The following ZC3H8 variants were observed in gnomAD, a reference collection of about 807,000 sequenced individuals.
The protein encoded by ZC3H8 is zinc finger CCCH-type containing 8.
Under a neutral mutation model 42.5 loss-of-function variants are expected in ZC3H8, and 27 were observed. The observed-to-expected ratio is 0.64, with a 90% CI of 0.47 to 0.88. The LOEUF is 0.88. ZC3H8 is among the 40% of genes least tolerant of loss of function. The pLI, the probability that ZC3H8 is intolerant of heterozygous loss-of-function variation, is 0.00. For synonymous variants in ZC3H8, 101 were observed against 110.1 expected (o/e 0.92, Z 0.52); for missense variants, 277 against 336.1 (o/e 0.82, Z 1.37).
intron 8 of ZC3H8, among the ~76,000 whole-genome samples, chr2:112,227,355 T>A (rs1246097266): frequency 2.6e-5 from 4 of 152,154 alleles, no homozygotes; most frequent in Non-Finnish European, 4.4e-5. Flanking sequence ...TGAAACCCCA[T>A]CTCTACTAAA....
rs571430578 is a variant in ZC3H8 at position 112,236,959 on chromosome 2, G to A, written c.371-264C>T. Reference sequence around the variant, plus strand: ...TAGTCCAGCTACTCTGGGACTATAGGCTAAGGCAGGAGGATTGCTTGAGCC... The same window carrying A: ...TAGTCCAGCTACTCTGGGACTATAGACTAAGGCAGGAGGATTGCTTGAGCC... On this transcript the variant is annotated intron_variant, in intron 3 of 8. Coordinates refer to ENST00000409573, the MANE Select transcript of ZC3H8 (RefSeq NM_032494.3). Among the ~76,000 whole-genome samples the A allele has an allele frequency of 1.7e-3, 258 of 152,330 alleles. 1 individual carries two copies. The highest frequency in any genetic ancestry group is 6.1e-3 in the African/African-American group (253 of 41,578).
intron 2 of ZC3H8, among the ~76,000 whole-genome samples, chr2:112,248,798 C>T (rs569625325): frequency 6.6e-6 from 1 of 152,242 alleles, no homozygotes; most frequent in Non-Finnish European, 1.5e-5. Flanking sequence ...CCCCTAATAC[C>T]TCAGAATGTG....
chr2:112,227,747 G>A (rs1312424662), intron 8 of ZC3H8, among the ~76,000 whole-genome samples: 2 of 152,028 alleles, frequency 1.3e-5, no homozygotes, highest in Admixed American at 1.3e-4. Flanking sequence ...GAATATGTAC[G>A]AATAAATTAA....
chr2:112,219,646 G>A (rs1475449636), intron 8 of ZC3H8, among the ~76,000 whole-genome samples: 1 of 151,924 alleles, frequency 6.6e-6, no homozygotes, highest in Non-Finnish European at 1.5e-5. Context: ...GTGTGAGTGG[G>A]GTGATTTTTT....
At chr2:112,233,425 T>TA in intron 5 of ZC3H8, 54 bp from the exon 6 acceptor site, 1 of 1,168,140 alleles carries the variant, frequency 8.6e-7, no homozygotes, top group South Asian at 1.4e-5. Context: ...GTCAAGTCAT[T>TA]ATGATTTAAT....
chr2:112,249,362 G>A (rs1196060302), intron 2 of ZC3H8, among the ~76,000 whole-genome samples: 1 of 152,204 alleles, frequency 6.6e-6, no homozygotes, highest in East Asian at 1.9e-4. Flanking sequence ...CACAGCCTCA[G>A]AAGGAACCAA....
chr2:112,233,218 G>T, intron 6 of ZC3H8, 42 bp downstream of exon 6: 2 of 1,252,096 alleles, frequency 1.6e-6, no homozygotes, highest in Non-Finnish European at 2.2e-6. Context: ...AAATGTTCAT[G>T]TAAATATTTA....
intron 1 of ZC3H8, 51 bp downstream of exon 1, chr2:112,254,857 C>A: frequency 6.3e-7 from 1 of 1,581,636 alleles, no homozygotes; most frequent in East Asian, 2.3e-5. Context: ...AACTAAGAGG[C>A]GGAGTCCCGC....
intron 4 of ZC3H8, among the ~76,000 whole-genome samples, chr2:112,236,252 T>C (rs1685328457): frequency 6.6e-6 from 1 of 151,998 alleles, no homozygotes; most frequent in South Asian, 2.1e-4. Context: ...AGACTCTGTC[T>C]CAAAAAAATA....
At chr2:112,216,821 G>T (rs1208358390) in intron 8 of ZC3H8, among the ~76,000 whole-genome samples, 1 of 151,478 alleles carries the variant, frequency 6.6e-6, no homozygotes, top group African/African-American at 2.4e-5. Context: ...AAACATTATC[G>T]GACAAAAGCA....
chr2:112,231,889 G>A lies in ZC3H8; in HGVS notation c.792C>T (p.Cys264=). 6.3e-7 allele frequency: 1 copy of A among 1,591,994 alleles called. No individual in the cohort carries two copies. Among genetic ancestry groups the A allele is most frequent in the East Asian group, 2.3e-5 (1 of 44,350 alleles). ...TGTKCYQGEY[C]KFSHAPLTPE... Reference sequence around the variant, plus strand: ...GAGTCAGTGGAGCATGAGAAAACTTGCAGTATTCTCCCTGATAACATTTTG... The same window carrying A: ...GAGTCAGTGGAGCATGAGAAAACTTACAGTATTCTCCCTGATAACATTTTG... Residue 264 remains cysteine, a synonymous_variant, in exon 7 of 9, where the codon TGC becomes TGT. Coordinates refer to ENST00000409573, the MANE Select transcript of ZC3H8 (RefSeq NM_032494.3).
chr2:112,238,979 T>G (rs1685468788), intron 2 of ZC3H8, among the ~76,000 whole-genome samples: 1 of 152,266 alleles, frequency 6.6e-6, no homozygotes, highest in Admixed American at 6.5e-5. Context: ...ATGGTCCATA[T>G]GAAAACCCAC....
intron 2 of ZC3H8, among the ~76,000 whole-genome samples, chr2:112,242,617 T>G (rs1210672413): frequency 2.0e-5 from 3 of 152,234 alleles, no homozygotes; most frequent in Non-Finnish European, 4.4e-5. Context: ...TGTGGATTAT[T>G]ATACTGTCAA....
intron 2 of ZC3H8, chr2:112,240,327 T>C (rs1045866767): frequency 6.6e-6 from 1 of 152,170 alleles, no homozygotes; most frequent in Non-Finnish European, 1.5e-5. Context: ...ACTGATCCTT[T>C]ATGAAAAGGT....
At chr2:112,254,163 A>T in intron 1 of ZC3H8, 1 of 985,112 alleles carries the variant, frequency 1.0e-6, no homozygotes, top group Non-Finnish European at 1.2e-6. Context: ...ACCAATATCG[A>T]ATGGTAAAAT....
intron 8 of ZC3H8, among the ~76,000 whole-genome samples, chr2:112,218,669 T>A (rs1421329069): frequency 6.6e-6 from 1 of 152,184 alleles, no homozygotes; most frequent in East Asian, 1.9e-4. Context: ...TTCACTACAA[T>A]TTGGAAACAT....
At chr2:112,243,757 C>T (rs535521294) in intron 2 of ZC3H8, among the ~76,000 whole-genome samples, 1 of 152,192 alleles carries the variant, frequency 6.6e-6, no homozygotes, top group East Asian at 1.9e-4. Context: ...TATTTATTGT[C>T]TTGTCCTTTA....
intron 8 of ZC3H8, among the ~76,000 whole-genome samples, chr2:112,217,872 G>A (rs1470719941): frequency 1.3e-5 from 2 of 152,084 alleles, no homozygotes; most frequent in Admixed American, 6.5e-5. Context: ...GTTGCCCCTT[G>A]GTTTTGTTTC....
Position 112,255,007 on chromosome 2 carries a change from G to A in ZC3H8, c.-26C>T. 1 of 1,583,980 alleles carries A rather than the reference G, an allele frequency of 6.3e-7. No individual in the cohort carries two copies. Among genetic ancestry groups the A allele is most frequent in the Non-Finnish European group, 8.6e-7 (1 of 1,166,242 alleles). On this transcript the variant is annotated 5_prime_UTR_variant, in exon 1 of 9. Coordinates refer to ENST00000409573, the MANE Select transcript of ZC3H8 (RefSeq NM_032494.3). ...GACCCAGACAGGTCCTCCCTTTCGC[G>A]AGCCGGGAAGCTACAGAGTAACAAC...
Sources: allele counts gnomAD v4.1 joint callset (sites outside exome capture counted in the v4.1 genomes callset), GRCh38; gene constraint gnomAD v4.1.1; transcripts MANE v1.5; gene names NCBI Gene and HGNC (gene_info 2026-07-23, HGNC 2026-07-21).